The following XYLT1 variants were observed in gnomAD, a reference collection of about 807,000 sequenced individuals.
XYLT1 encodes the protein beta-D-xylosyltransferase 1.
In XYLT1, 36 loss-of-function variants were observed where a neutral mutation model predicts 91.3. That is an observed-to-expected ratio of 0.39 (90% CI 0.30 to 0.52). The LOEUF (loss-of-function observed/expected upper bound fraction) is 0.52. XYLT1 is among the 20% of genes least tolerant of loss of function. XYLT1 has a pLI of 0.68. For missense variants in XYLT1, 1,242 were observed against 1,284.5 expected (o/e 0.97, Z 0.51); for synonymous variants, 588 against 532.0 (o/e 1.11, Z -1.45).
intron 1 of XYLT1, among the ~76,000 whole-genome samples, chr16:17,435,774 CTT>C (rs1301841306): frequency 6.6e-6 from 1 of 152,182 alleles, no homozygotes; most frequent in African/African-American, 2.4e-5. Context: ...CTCTCATTGA[CTT>C]TATTTTCATC....
intron 2 of XYLT1, among the ~76,000 whole-genome samples, chr16:17,352,131 A>G (rs553911834): frequency 6.6e-6 from 1 of 152,328 alleles, no homozygotes; most frequent in East Asian, 1.9e-4. Context: ...TCTCTCAAAA[A>G]GAAAAGGAAA....
At position 17,138,360 on chromosome 16, in the gene XYLT1, A is replaced by G; in HGVS notation, c.1759T>C (p.Phe587Leu). The change falls in exon 8 of 12, where the codon TTC (phenylalanine) becomes CTC (leucine). Residue 587 changes from phenylalanine (F) to leucine (L), a missense_variant. This residue lies in a region of XYLT1 where 511 missense variants were observed against 497.0 expected (regional missense o/e 1.03). Coordinates refer to ENST00000261381, the MANE Select transcript of XYLT1 (RefSeq NM_022166.4). ...AGACCATGAGAAAGTCTCACCTGGA[A>G]GCGGTGGAAGTCCTGCGGCTTGAAG... is the stretch of plus-strand genomic sequence containing the variant. ...NDFKPQDFHR[F>L]QQTARPTFFA... 6.2e-7 allele frequency: 1 copy of G among 1,611,142 alleles called. No individual in the cohort carries two copies. Among genetic ancestry groups the G allele is most frequent in the South Asian group, 1.1e-5 (1 of 91,028 alleles).
chr16:17,161,660 G>A (rs186105630), intron 5 of XYLT1, among the ~76,000 whole-genome samples: 4 of 137,160 alleles, frequency 2.9e-5, no homozygotes, highest in South Asian at 5.0e-4. Context: ...ATTTTACCCC[G>A]TTCCAGTTTC....
intron 5 of XYLT1, among the ~76,000 whole-genome samples, chr16:17,186,441 C>T (rs2032184349): frequency 6.7e-6 from 1 of 149,088 alleles, no homozygotes; most frequent in Non-Finnish European, 1.5e-5. Context: ...TCTGGCGTTA[C>T]AGGGGTGCAC....
chr16:17,126,101 A>T (rs2030251794), intron 10 of XYLT1, among the ~76,000 whole-genome samples: 2 of 152,208 alleles, frequency 1.3e-5, no homozygotes, highest in African/African-American at 4.8e-5. Context: ...AGTTTAGAAA[A>T]AATTCAAAAT....
At chr16:17,348,034 C>A (rs1024650910) in intron 2 of XYLT1, among the ~76,000 whole-genome samples, 6 of 152,094 alleles carry the variant, frequency 3.9e-5, no homozygotes, top group African/African-American at 1.4e-4. Flanking sequence ...ACCTTCCTAT[C>A]TCCTACCAGT....
intron 2 of XYLT1, among the ~76,000 whole-genome samples, chr16:17,348,049 C>G (rs1370497175): frequency 1.3e-5 from 2 of 152,092 alleles, no homozygotes; most frequent in Admixed American, 6.5e-5. Flanking sequence ...ACCAGTTCCT[C>G]TACTTGGCCA....
At chr16:17,412,559 T>C (rs373102457) in intron 1 of XYLT1, among the ~76,000 whole-genome samples, 5 of 118,268 alleles carry the variant, frequency 4.2e-5, no homozygotes, top group Admixed American at 1.0e-4. Context: ...GGAGGGGAAA[T>C]AGTCTTACTT....
chr16:17,167,301 G>A (rs2031711759), intron 5 of XYLT1, among the ~76,000 whole-genome samples: 2 of 152,250 alleles, frequency 1.3e-5, no homozygotes, highest in South Asian at 2.1e-4. Flanking sequence ...TGTTGAGTGC[G>A]AGTCGCACAA....
chr16:17,185,179 G>A (rs1434013807), intron 5 of XYLT1, among the ~76,000 whole-genome samples: 1 of 152,234 alleles, frequency 6.6e-6, no homozygotes, highest in African/African-American at 2.4e-5. Flanking sequence ...AGGACAACTG[G>A]CAAGAGGGAA....
At chr16:17,277,451 G>A (rs186084035) in intron 2 of XYLT1, among the ~76,000 whole-genome samples, 106 of 152,130 alleles carry the variant, frequency 7.0e-4, no homozygotes, top group African/African-American at 2.2e-3. Context: ...GTGCAGTGGC[G>A]CGATCTCCAA....
At chr16:17,157,190 C>T (rs960706518) in intron 6 of XYLT1, among the ~76,000 whole-genome samples, 1 of 152,056 alleles carries the variant, frequency 6.6e-6, no homozygotes, top group Non-Finnish European at 1.5e-5. Context: ...TCAGGTGATC[C>T]GCCTGCCTCA....
At chr16:17,326,349 T>C (rs1303356015) in intron 2 of XYLT1, among the ~76,000 whole-genome samples, 1 of 152,184 alleles carries the variant, frequency 6.6e-6, no homozygotes, top group Non-Finnish European at 1.5e-5. Flanking sequence ...CATTCTTTTA[T>C]CCATCCTCCT....
intron 1 of XYLT1, among the ~76,000 whole-genome samples, chr16:17,434,005 G>A (rs1473661836): frequency 1.3e-5 from 2 of 152,042 alleles, no homozygotes; most frequent in African/African-American, 2.4e-5. Context: ...GTTTCATTTG[G>A]CAGATTGAAT....
At chr16:17,203,652 A>G (rs989021407) in intron 3 of XYLT1, among the ~76,000 whole-genome samples, 2 of 152,096 alleles carry the variant, frequency 1.3e-5, no homozygotes, top group Non-Finnish European at 2.9e-5. Flanking sequence ...CCATTCATCC[A>G]TTGCTCCACC....
At chr16:17,119,686 C>A (rs1386066127) in intron 10 of XYLT1, among the ~76,000 whole-genome samples, 1 of 152,180 alleles carries the variant, frequency 6.6e-6, no homozygotes, top group Non-Finnish European at 1.5e-5. Flanking sequence ...AAAGGGGAGA[C>A]CCTTGTCATT....
chr16:17,439,811 C>T (rs1197211375), intron 1 of XYLT1, among the ~76,000 whole-genome samples: 5 of 152,152 alleles, frequency 3.3e-5, no homozygotes, highest in African/African-American at 1.2e-4. Flanking sequence ...TGCCAAGGTA[C>T]CTGTAGTAGG....
In XYLT1 at chr16:17,470,882, CGGCTGCCGCTCG is replaced by C; in HGVS notation, c.-98_-87del. ...CGCTCCCCGCAGCTCCCGCGGCCGC[CGGCTGCCGCTCG>C]GGCTCCCGCTCGGGCCGCCGCCGCC... is the stretch of plus-strand genomic sequence containing the variant. On this transcript the variant is annotated 5_prime_UTR_variant, in exon 1 of 12. Transcript: ENST00000261381. 1 of 824,822 alleles carries C rather than the reference CGGCTGCCGCTCG, an allele frequency of 1.2e-6. No homozygotes were observed. Among genetic ancestry groups the C allele is most frequent in the Non-Finnish European group, 1.3e-6 (1 of 753,422 alleles). The allele number at this position is 824,822 out of a possible 1,614,324, so 51.1% of individuals were successfully genotyped here. A position where few individuals can be genotyped will look rare whatever the true frequency, so the allele number is the denominator to read the frequency against.
chr16:17,426,059 C>T (rs1026023479), intron 1 of XYLT1, among the ~76,000 whole-genome samples: 1 of 152,012 alleles, frequency 6.6e-6, no homozygotes, highest in South Asian at 2.1e-4. Context: ...TTCAGGAATC[C>T]CATTAATGAC....
Sources: gnomAD v4.1 joint callset for allele counts (sites outside exome capture counted in the v4.1 genomes callset) on GRCh38, gnomAD v4.1.1 for gene constraint, gnomAD v4.1.1 regional missense constraint, MANE v1.5 for transcripts, NCBI Gene and HGNC (gene_info 2026-07-23, HGNC 2026-07-21) for gene names.